Variants in HEBP2 observed in about 807,000 individuals in gnomAD.
The protein encoded by HEBP2 is heme-binding protein 2.
HEBP2 carries 27 observed loss-of-function variants against 23.1 expected under a neutral mutation model. The observed-to-expected ratio is 1.17, with a 90% confidence interval of 0.86 to 1.61. HEBP2 has a LOEUF of 1.61. HEBP2 is among the 40% of genes most tolerant of loss of function. The pLI, the probability that HEBP2 is intolerant of heterozygous loss-of-function variation, is 0.00. For missense variants in HEBP2, 245 were observed against 253.8 expected (o/e 0.97, Z 0.24); for synonymous variants, 99 against 95.1 (o/e 1.04, Z -0.24).
At chr6:138,407,601 C>G (rs1023906164) in intron 3 of HEBP2, among the ~76,000 whole-genome samples, 1 of 152,228 alleles carries the variant, frequency 6.6e-6, no homozygotes, top group Non-Finnish European at 1.5e-5. Context: ...AATTGCACAC[C>G]GGTGGCCCTC....
chr6:138,418,142 G>A lies in HEBP2; in HGVS notation c.*5064G>A, dbSNP rs1774867853. ...ACCAACATTCAGTAAAAAATTACTG[G>A]AAACAGAGAAATATAAATTATGGCC... On this transcript the variant is annotated 3_prime_UTR_variant, in exon 4 of 4. Transcript: ENST00000607197. 2 of 152,148 alleles carry A rather than the reference G, an allele frequency of 1.3e-5. No homozygotes were observed. The highest frequency in any genetic ancestry group is 4.1e-4 in the South Asian group (2 of 4,820). 9.4% of individuals were successfully genotyped at this position (152,148 alleles called of 1,614,324 possible). A position where few individuals can be genotyped will look rare whatever the true frequency, so the allele number is the denominator to read the frequency against.
At position 138,413,064 on chromosome 6, in the gene HEBP2, A is replaced by G. The variant is rs761986435; in HGVS notation, c.604A>G (p.Lys202Glu). 6 of 1,612,436 alleles carry G rather than the reference A, an allele frequency of 3.7e-6. No homozygotes were observed. The highest frequency in any genetic ancestry group is 5.1e-6 in the Non-Finnish European group (6 of 1,179,414). ...GTTGATTCAAAAAAATGAACCCACC[A>G]AAGAAAACGAATGAGAAAAATGAAA... ...VWLIQKNEPT[K>E]ENE The change falls in exon 4 of 4, where the codon AAA (lysine) becomes GAA (glutamate). Residue 202 changes from lysine (K) to glutamate (E), a missense_variant. Coordinates refer to ENST00000607197, the MANE Select transcript of HEBP2 (RefSeq NM_014320.3).
intron 3 of HEBP2, among the ~76,000 whole-genome samples, chr6:138,409,437 C>T (rs1167033807): frequency 6.6e-6 from 1 of 152,224 alleles, no homozygotes; most frequent in Non-Finnish European, 1.5e-5. Flanking sequence ...TCCTCTCTAT[C>T]ACCATTGTGA....
Position 138,412,876 on chromosome 6 carries a change from G to A in HEBP2, c.420-4G>A, listed in dbSNP as rs1261538430. ...TTCACGGTTATTTCCTTTCTCCTTT[G>A]TAGGTCTTTCGATGGATTTTCTAGT... On this transcript the variant is annotated splice_polypyrimidine_tract_variant and splice_region_variant and intron_variant, in intron 3 of 3. Coordinates refer to ENST00000607197, the MANE Select transcript of HEBP2 (RefSeq NM_014320.3). The A allele has an allele frequency of 6.2e-7, 1 of 1,610,814 alleles. No individual in the cohort carries two copies. The highest frequency in any genetic ancestry group is 8.5e-7 in the Non-Finnish European group (1 of 1,177,246).
rs772406101 is a variant in HEBP2 at position 138,405,279 on chromosome 6, A to G, written c.237A>G (p.Lys79=). 1.9e-6 allele frequency: 3 copies of G among 1,614,034 alleles called. No individual in the cohort carries two copies. The highest frequency in any genetic ancestry group is 2.5e-6 in the Non-Finnish European group (3 of 1,180,000). Residue 79 remains lysine, a splice_region_variant and synonymous_variant, in exon 2 of 4, where the codon AAA becomes AAG. Coordinates refer to ENST00000607197, the MANE Select transcript of HEBP2 (RefSeq NM_014320.3). The part of the protein sequence containing the change: ...LNSYIQGKNE[K]EMKIKMTAPV... ...GCTACATTCAAGGCAAAAACGAGAA[A>G]GGTAAAAGCAGTTTTCCTTGTAATT... is the stretch of plus-strand genomic sequence containing the variant.
intron 3 of HEBP2, chr6:138,412,008 C>T (rs1774754178): frequency 3.3e-5 from 14 of 427,274 alleles, no homozygotes; most frequent in South Asian, 2.3e-4. Context: ...TGATCTCTTC[C>T]ATTGGATCAT....
chr6:138,405,198 C>T lies in HEBP2; in HGVS notation c.156C>T (p.Ser52=). 3.1e-6 allele frequency: 5 copies of T among 1,614,112 alleles called. No homozygotes were observed. Among genetic ancestry groups the T allele is most frequent in the Non-Finnish European group, 4.2e-6 (5 of 1,179,974 alleles). The change falls in exon 2 of 4, where the codon TCC becomes TCT. Residue 52 remains serine, a synonymous_variant. Coordinates refer to ENST00000607197, the MANE Select transcript of HEBP2 (RefSeq NM_014320.3). The part of the protein sequence containing the change: ...HYGPAKWVST[S]VESMDWDSAI... Reference sequence around the variant, plus strand: ...GACCAGCCAAGTGGGTCAGCACGTCCGTGGAGTCTATGGACTGGGATTCAG... The same window carrying T: ...GACCAGCCAAGTGGGTCAGCACGTCTGTGGAGTCTATGGACTGGGATTCAG...
intron 1 of HEBP2, 121 bp from the exon 2 acceptor site, chr6:138,405,024 G>A: frequency 1.9e-6 from 2 of 1,053,556 alleles, no homozygotes; most frequent in Non-Finnish European, 2.7e-6. Flanking sequence ...CGGACCCCGG[G>A]GCGGTGCAGC....
rs755601935 is a variant in HEBP2 at position 138,418,787 on chromosome 6, C to T, written c.*5709C>T. ...TTCACTCAAAGGTGACATTGAAAAA[C>T]GGGAAAAAAATTGCAATCTTCCTGC... is the stretch of plus-strand genomic sequence containing the variant. On this transcript the variant is annotated 3_prime_UTR_variant, in exon 4 of 4. Transcript: ENST00000607197. The T allele has an allele frequency of 6.6e-5, 10 of 152,132 alleles. No homozygotes were observed. The South Asian group carries it at 1.2e-3, about 19-fold the overall frequency. 9.4% of individuals were successfully genotyped at this position (152,132 alleles called of 1,614,324 possible). A position where few individuals can be genotyped will look rare whatever the true frequency, so the allele number is the denominator to read the frequency against.
intron 1 of HEBP2, 141 bp downstream of exon 1, chr6:138,404,738 G>A: frequency 2.0e-6 from 1 of 508,138 alleles, no homozygotes; most frequent in Non-Finnish European, 3.2e-6. Flanking sequence ...ACGCAAACGA[G>A]AAACCCCGGT....
chr6:138,412,834 C>T (rs760201624), intron 3 of HEBP2, 46 bp from the exon 4 acceptor site: 1 of 1,500,514 alleles, frequency 6.7e-7, no homozygotes, highest in Non-Finnish European at 9.3e-7. Context: ...CTGACATTCA[C>T]ATCAGTATTA....
Position 138,405,241 on chromosome 6 carries a change from A to G in HEBP2, c.199A>G (p.Thr67Ala). 1 of 1,614,242 alleles carries G rather than the reference A, an allele frequency of 6.2e-7. No individual in the cohort carries two copies. Among genetic ancestry groups the G allele is most frequent in the Non-Finnish European group, 8.5e-7 (1 of 1,180,044 alleles). ...DWDSAIQTGF[T>A]KLNSYIQGKN... Reference sequence around the variant, plus strand: ...GGATTCAGCCATCCAGACGGGCTTTACGAAACTGAACAGCTACATTCAAGG... The same window carrying G: ...GGATTCAGCCATCCAGACGGGCTTTGCGAAACTGAACAGCTACATTCAAGG... The change falls in exon 2 of 4, where the codon ACG becomes GCG. Residue 67 changes from threonine to alanine, a missense_variant. Physicochemically the swap from Thr to Ala is moderately conservative, Grantham distance 58 (BLOSUM62 0). Transcript: ENST00000607197.
Position 138,406,015 on chromosome 6 carries a change from C to T in HEBP2, c.283C>T (p.Pro95Ser). The T allele has an allele frequency of 1.2e-6, 2 of 1,613,918 alleles. No homozygotes were observed. Among genetic ancestry groups the T allele is most frequent in the Non-Finnish European group, 1.7e-6 (2 of 1,179,918 alleles). The change falls in exon 3 of 4, where the codon CCT becomes TCT. Residue 95 changes from proline (P) to serine (S), a missense_variant. Transcript: ENST00000607197. Reference protein sequence around the residue: ...MTAPVTSYVEPGSGPFSESTI... With the variant: ...MTAPVTSYVESGSGPFSESTI... ...AGCTCCAGTGACAAGCTACGTGGAG[C>T]CTGGTTCAGGTCCTTTTAGTGAGTC...
chr6:138,403,656 C>G, upstream of HEBP2: 1 of 433,174 alleles, frequency 2.3e-6, no homozygotes, highest in Non-Finnish European at 4.1e-6. Flanking sequence ...AAAGGGGGTG[C>G]TGGGGAACAG....
intron 3 of HEBP2, among the ~76,000 whole-genome samples, chr6:138,409,638 A>G (rs1378318104): frequency 6.6e-6 from 1 of 152,050 alleles, no homozygotes; most frequent in Non-Finnish European, 1.5e-5. Flanking sequence ...TTCCTCTTCC[A>G]CACTGGAACT....
Position 138,415,128 on chromosome 6 carries a change from T to G in HEBP2, c.*2050T>G, listed in dbSNP as rs1228998463. ...CAGTCTCTGCTCTGGAGCTTTTTGG[T>G]GGGCTGCTAGAGACTTTGTTAGATC... On this transcript the variant is annotated 3_prime_UTR_variant, in exon 4 of 4. Transcript: ENST00000607197. The G allele has an allele frequency of 2.0e-5, 3 of 152,172 alleles. No individual in the cohort carries two copies. The highest frequency in any genetic ancestry group is 6.5e-5 in the Admixed American group (1 of 15,282). 9.4% of individuals were successfully genotyped at this position (152,172 alleles called of 1,614,324 possible).
At chr6:138,403,537 A>G (rs1436605329), upstream of HEBP2, 2 of 481,484 alleles carry the variant, frequency 4.2e-6, no homozygotes, top group Non-Finnish European at 7.4e-6. Flanking sequence ...GTCGCCCCGG[A>G]GAGCCTCGGA....
rs1774835732 is a variant in HEBP2 at position 138,415,995 on chromosome 6, C to G, written c.*2917C>G. 6.6e-6 allele frequency: 1 copy of G among 152,288 alleles called. No individual in the cohort carries two copies. The highest frequency in any genetic ancestry group is 1.5e-5 in the Non-Finnish European group (1 of 68,144). The allele number at this position is 152,288 out of a possible 1,614,324, so 9.4% of individuals were successfully genotyped here. On this transcript the variant is annotated 3_prime_UTR_variant, in exon 4 of 4. Transcript: ENST00000607197. ...CCCTCCCCTTCTCCTGGCTACCAGG[C>G]CTATAACGAGACTTAAGTCACAACA...
Position 138,414,475 on chromosome 6 carries a change from G to T in HEBP2, c.*1397G>T. ...TTTCTGGTACTTAATTGCTACTGTG[G>T]CCAAAGGATGGTCAGTTTTATTCAG... is the stretch of plus-strand genomic sequence containing the variant. On this transcript the variant is annotated 3_prime_UTR_variant, in exon 4 of 4. Transcript: ENST00000607197. The T allele has an allele frequency of 6.6e-6, 1 of 152,284 alleles. No individual in the cohort carries two copies. 9.4% of individuals were successfully genotyped at this position (152,284 alleles called of 1,614,324 possible).
Sources: gnomAD v4.1 joint callset for allele counts (sites outside exome capture counted in the v4.1 genomes callset) on GRCh38, gnomAD v4.1.1 for gene constraint, MANE v1.5 for transcripts, NCBI Gene and HGNC (gene_info 2026-07-23, HGNC 2026-07-21) for gene names.